UBE2E2: variants seen among roughly 807,000 people sequenced by gnomAD.
The protein encoded by UBE2E2 is ubiquitin-conjugating enzyme E2 E2.
In UBE2E2, 6 loss-of-function variants were observed where a neutral mutation model predicts 24.7. The ratio of observed to expected loss-of-function variants is 0.24; its 90% CI spans 0.13 to 0.48. The LOEUF (loss-of-function observed/expected upper bound fraction) is 0.48. Ranked by LOEUF, UBE2E2 falls within the 20% of genes least tolerant of loss-of-function variation. UBE2E2 has a pLI of 0.99. For synonymous variants in UBE2E2, 104 were observed against 83.6 expected, an observed-to-expected ratio of 1.24 and a Z score of -1.33; for missense variants, 169 against 245.0, an observed-to-expected ratio of 0.69 and a Z score of 2.07.
chr3:23,499,806 C>G lies in UBE2E2; in HGVS notation c.360+66C>G, dbSNP rs1699681019. ...ATATTTCTAGATACATATACTTATTCTTAAATATGCATTCTAGGGATGCAT... is the reference window on the plus strand; with the variant it reads ...ATATTTCTAGATACATATACTTATTGTTAAATATGCATTCTAGGGATGCAT... On this transcript the variant is annotated intron_variant, in intron 4 of 5. Coordinates refer to ENST00000396703, the MANE Select transcript of UBE2E2 (RefSeq NM_152653.4). 15 of 1,538,844 alleles carry G rather than the reference C, an allele frequency of 9.7e-6. No homozygotes were observed. The South Asian group carries it at 1.8e-4, about 18-fold the overall frequency.
chr3:23,528,998 C>T (rs1575687574), intron 4 of UBE2E2, among the ~76,000 whole-genome samples: 2 of 152,158 alleles, frequency 1.3e-5, no homozygotes, highest in African/African-American at 2.4e-5. Context: ...CGTGCAACAG[C>T]TTGGATGGAT....
intron 3 of UBE2E2, among the ~76,000 whole-genome samples, chr3:23,274,852 C>CT (rs1698340835): frequency 6.6e-6 from 1 of 152,066 alleles, no homozygotes; most frequent in Non-Finnish European, 1.5e-5. Flanking sequence ...AATAGTATCC[C>CT]TTTTTTTTGA....
chr3:23,348,945 G>C (rs1182988554), intron 3 of UBE2E2, among the ~76,000 whole-genome samples: 1 of 152,068 alleles, frequency 6.6e-6, no homozygotes, highest in Non-Finnish European at 1.5e-5. Flanking sequence ...CACACTCCAG[G>C]GTAATGCAGA....
intron 3 of UBE2E2, among the ~76,000 whole-genome samples, chr3:23,471,941 T>TG (rs1553614030): frequency 2.8e-5 from 4 of 141,972 alleles, no homozygotes; most frequent in African/African-American, 7.7e-5. Context: ...AAAACATCTT[T>TG]AAAAAAAAAA....
At position 23,493,272 on chromosome 3, in the gene UBE2E2, A is replaced by G. The variant is rs758875865; in HGVS notation, c.228-6336A>G. Among the ~76,000 whole-genome samples the G allele has an allele frequency of 1.1e-4, 17 of 152,226 alleles. No homozygotes were observed. The East Asian group carries it at 1.5e-3, about 14-fold the overall frequency. The stretch of plus-strand genomic sequence containing the variant: ...TATCTAAAGCATCTTATGATCTTTA[A>G]GATGCTAAGTAAAGACAGCGAGAGC... On this transcript the variant is annotated intron_variant, in intron 3 of 5. Coordinates refer to ENST00000396703, the MANE Select transcript of UBE2E2 (RefSeq NM_152653.4).
chr3:23,259,880 G>T (rs899675111), intron 3 of UBE2E2, among the ~76,000 whole-genome samples: 2 of 152,190 alleles, frequency 1.3e-5, no homozygotes, highest in Non-Finnish European at 2.9e-5. Context: ...AATAAGAGGT[G>T]TGGATGGAAA....
rs1696217145 is a variant in UBE2E2, at chr3:23,571,280, C to CTCTTTTTTTTTTTTTTTTTTTT, written c.509-18453_509-18452insCTTTTTTTTTTTTTTTTTTTTT. Among the ~76,000 whole-genome samples the CTCTTTTTTTTTTTTTTTTTTTT allele has an allele frequency of 8.7e-4, 26 of 29,882 alleles. 4 individuals are homozygous for CTCTTTTTTTTTTTTTTTTTTTT. The highest frequency in any genetic ancestry group is 2.5e-3 in the African/African-American group (24 of 9,720). 19.6% of individuals were successfully genotyped at this position (29,882 alleles called of 152,430 possible). ...AGTCCCCTCACCTGTGTGCTCCTTT[C>CTCTTTTTTTTTTTTTTTTTTTT]TTTTTTTTTTTTTTTTTTTTTTTTT... On this transcript the variant is annotated intron_variant, in intron 5 of 5. Coordinates refer to ENST00000396703, the MANE Select transcript of UBE2E2 (RefSeq NM_152653.4).
chr3:23,336,190 T>C (rs1695205607), intron 3 of UBE2E2, among the ~76,000 whole-genome samples: 1 of 152,138 alleles, frequency 6.6e-6, no homozygotes, highest in African/African-American at 2.4e-5. Context: ...TTGGTTCAGG[T>C]TTCCTGAGAT....
chr3:23,400,675 G>A (rs1457260239), intron 3 of UBE2E2, among the ~76,000 whole-genome samples: 1 of 150,058 alleles, frequency 6.7e-6, no homozygotes, highest in Non-Finnish European at 1.5e-5. Context: ...ATTAAGTACA[G>A]GAATTCATTT....
rs1048814506 is a variant in UBE2E2 at position 23,325,111 on chromosome 3, T to C, written c.227+107799T>C. 2.6e-5 allele frequency among the ~76,000 whole-genome samples: 4 copies of C among 152,170 alleles called. No homozygotes were observed. The South Asian group carries it at 6.2e-4, about 24-fold the overall frequency. On this transcript the variant is annotated intron_variant, in intron 3 of 5. Transcript: ENST00000396703. The stretch of plus-strand genomic sequence containing the variant: ...GTCCTTATGTACCATCAGGAAACTT[T>C]AGCAGTTTTGAATCTTCTAGGCACA...
chr3:23,380,137 T>A (rs989723078), intron 3 of UBE2E2, among the ~76,000 whole-genome samples: 6 of 150,438 alleles, frequency 4.0e-5, no homozygotes, highest in Non-Finnish European at 5.9e-5. Flanking sequence ...ATTGGAAATT[T>A]AAAAAAAATC....
At chr3:23,203,576 G>C (rs1696030661) in intron 1 of UBE2E2, 112 bp downstream of exon 1, 4 of 635,386 alleles carry the variant, frequency 6.3e-6, no homozygotes, top group Non-Finnish European at 7.8e-6. Context: ...TGCTTACACC[G>C]CTCGTGCCCT....
At chr3:23,269,449 A>G (rs1052142841) in intron 3 of UBE2E2, among the ~76,000 whole-genome samples, 1 of 152,226 alleles carries the variant, frequency 6.6e-6, no homozygotes, top group Non-Finnish European at 1.5e-5. Flanking sequence ...ACACATTGAA[A>G]TAAAGAAATG....
chr3:23,339,767 T>C (rs1056492992), intron 3 of UBE2E2, among the ~76,000 whole-genome samples: 17 of 152,096 alleles, frequency 1.1e-4, no homozygotes, highest in African/African-American at 4.1e-4. Context: ...GATGTATTTT[T>C]ATTGTGTTAG....
chr3:23,569,653 A>G (rs1696177427), intron 5 of UBE2E2, among the ~76,000 whole-genome samples: 1 of 152,104 alleles, frequency 6.6e-6, no homozygotes, highest in African/African-American at 2.4e-5. Flanking sequence ...ATTTTCTGAG[A>G]TTTCATTAAA....
rs1177985015 is a variant in UBE2E2, at chr3:23,311,026, G to A, written c.227+93714G>A. Among the ~76,000 whole-genome samples the A allele has an allele frequency of 7.2e-5, 11 of 152,164 alleles. 1 individual carries two copies. The South Asian group carries it at 2.3e-3, about 32-fold the overall frequency. ...TCCCTCCTGCCGCCACCCCACGATG[G>A]GCCCTGGTGTGTGATGTTCCCCTTC... On this transcript the variant is annotated intron_variant, in intron 3 of 5. Transcript: ENST00000396703.
At chr3:23,571,470 A>G (rs1329474419) in intron 5 of UBE2E2, among the ~76,000 whole-genome samples, 2 of 150,510 alleles carry the variant, frequency 1.3e-5, no homozygotes, top group East Asian at 3.9e-4. Flanking sequence ...TTGTATTTTT[A>G]GTAGGGACAG....
chr3:23,374,905 A>T (rs1032311792), intron 3 of UBE2E2, among the ~76,000 whole-genome samples: 1 of 152,144 alleles, frequency 6.6e-6, no homozygotes, highest in African/African-American at 2.4e-5. Context: ...AGTAACTGGG[A>T]TTACAGGTGC....
chr3:23,502,237 T>G (rs1010434644), intron 4 of UBE2E2, among the ~76,000 whole-genome samples: 1 of 76,850 alleles, frequency 1.3e-5, no homozygotes, highest in South Asian at 5.0e-4. Context: ...TTTTGCTCTT[T>G]TTTTTTTTTT....
Sources: allele counts gnomAD v4.1 joint callset (sites outside exome capture counted in the v4.1 genomes callset), GRCh38; gene constraint gnomAD v4.1.1; transcripts MANE v1.5; gene names NCBI Gene and HGNC (gene_info 2026-07-23, HGNC 2026-07-21).